The following SCRG1 variants were observed in gnomAD, a reference collection of about 807,000 sequenced individuals.
SCRG1 encodes stimulator of chondrogenesis 1.
SCRG1 carries 3 observed loss-of-function variants against 7.7 expected under a neutral mutation model. That is an observed-to-expected ratio of 0.39 (90% CI 0.18 to 1.01). The LOEUF (loss-of-function observed/expected upper bound fraction) is 1.01. Ranked by LOEUF, SCRG1 falls within the 50% of genes least tolerant of loss-of-function variation. The pLI is 0.36. For synonymous variants in SCRG1, 46 were observed against 41.2 expected (o/e 1.12, Z -0.44); for missense variants, 110 against 117.2 (o/e 0.94, Z 0.28).
At chr4:173,492,363 T>C in the SCRG1 span, among the ~76,000 whole-genome samples, 1 of 151,998 alleles carries the variant, frequency 6.6e-6, no homozygotes, top group African/African-American at 2.4e-5. Flanking sequence ...TGGTTGGGGA[T>C]TGTTGACGAC....
At chr4:173,514,935 C>T in the SCRG1 span, among the ~76,000 whole-genome samples, 92 of 152,260 alleles carry the variant, frequency 6.0e-4, no homozygotes, top group Non-Finnish European at 9.6e-4. Context: ...TATCCTTTTG[C>T]GGCAATAAAC....
chr4:173,508,686 T>G, the SCRG1 span, among the ~76,000 whole-genome samples: 1 of 152,038 alleles, frequency 6.6e-6, no homozygotes, highest in Non-Finnish European at 1.5e-5. The surrounding 1 kb of genome is among the most constrained non-coding windows in gnomAD (Gnocchi z 4.4). Flanking sequence ...AGGGGAGAAT[T>G]ACATTTCCCC....
the SCRG1 span, among the ~76,000 whole-genome samples, chr4:173,484,414 AAT>A: frequency 1.6e-5 from 1 of 62,910 alleles, no homozygotes; most frequent in East Asian, 4.8e-4. Context: ...ATATACATAT[AAT>A]ATATATTATA....
At chr4:173,466,212 A>G in the SCRG1 span, among the ~76,000 whole-genome samples, 1 of 152,194 alleles carries the variant, frequency 6.6e-6, no homozygotes, top group Non-Finnish European at 1.5e-5. Context: ...GTCCTAAGCA[A>G]TGCACTCAAA....
the SCRG1 span, among the ~76,000 whole-genome samples, chr4:173,439,005 G>A: frequency 5.3e-5 from 8 of 151,854 alleles, no homozygotes; most frequent in African/African-American, 7.3e-5. Context: ...TGGAATGTGT[G>A]CAGATGTGAT....
chr4:173,515,029 T>G, the SCRG1 span, among the ~76,000 whole-genome samples: 1 of 152,162 alleles, frequency 6.6e-6, no homozygotes, highest in East Asian at 1.9e-4. The surrounding 1 kb of genome is among the most constrained non-coding windows in gnomAD (Gnocchi z 4.6). Flanking sequence ...GGGCACTCAT[T>G]TATGTTGGAA....
the SCRG1 span, chr4:173,419,918 T>A: frequency 7.3e-6 from 6 of 819,976 alleles, no homozygotes; most frequent in Non-Finnish European, 1.3e-5. Flanking sequence ...CTTCACACCA[T>A]ATTTTGTGCA....
the SCRG1 span, among the ~76,000 whole-genome samples, chr4:173,505,298 G>A: frequency 6.6e-6 from 1 of 152,128 alleles, no homozygotes; most frequent in East Asian, 1.9e-4. The surrounding 1 kb of genome is among the most constrained non-coding windows in gnomAD (Gnocchi z 4.4). Flanking sequence ...TATCCTCAAT[G>A]CCCACCTGGA....
At chr4:173,491,665 A>G in the SCRG1 span, among the ~76,000 whole-genome samples, 1 of 152,182 alleles carries the variant, frequency 6.6e-6, no homozygotes, top group South Asian at 2.1e-4. Context: ...AATGACTGTA[A>G]TGTTGCAGAG....
At chr4:173,417,151 G>A in the SCRG1 span, among the ~76,000 whole-genome samples, 2 of 150,298 alleles carry the variant, frequency 1.3e-5, no homozygotes, top group African/African-American at 4.9e-5. Context: ...CAGACAGACA[G>A]ACACACACAC....
chr4:173,410,791 A>C (rs561905203), upstream of SCRG1, among the ~76,000 whole-genome samples: 1 of 152,216 alleles, frequency 6.6e-6, no homozygotes, highest in African/African-American at 2.4e-5. Flanking sequence ...AAAACTATAT[A>C]TCTCAAGAGA....
chr4:173,492,004 G>A, the SCRG1 span, among the ~76,000 whole-genome samples: 2,215 of 151,954 alleles, frequency 0.015, 41 homozygotes, highest in African/African-American at 0.042. Flanking sequence ...GGCTGCATGT[G>A]CCTGTAGTCC....
At chr4:173,471,901 G>A in the SCRG1 span, among the ~76,000 whole-genome samples, 2 of 152,178 alleles carry the variant, frequency 1.3e-5, no homozygotes, top group Non-Finnish European at 2.9e-5. Context: ...TAGAGATAGA[G>A]TTTCTCCATG....
chr4:173,435,598 T>C, the SCRG1 span, among the ~76,000 whole-genome samples: 1 of 152,156 alleles, frequency 6.6e-6, no homozygotes, highest in Non-Finnish European at 1.5e-5. Context: ...CAGGGGCTTG[T>C]CAGGTGAATG....
chr4:173,476,367 T>A, the SCRG1 span, among the ~76,000 whole-genome samples: 62 of 92,230 alleles, frequency 6.7e-4, 1 homozygote, highest in Non-Finnish European at 8.8e-4. Context: ...AAAAAAAATA[T>A]ATATATATAT....
chr4:173,456,265 C>A, the SCRG1 span, among the ~76,000 whole-genome samples: 2 of 152,170 alleles, frequency 1.3e-5, no homozygotes, highest in Non-Finnish European at 2.9e-5. Context: ...ACCCCTACAA[C>A]TTTGATTGAA....
At chr4:173,453,358 C>T in the SCRG1 span, among the ~76,000 whole-genome samples, 1 of 152,212 alleles carries the variant, frequency 6.6e-6, no homozygotes, top group Non-Finnish European at 1.5e-5. Context: ...CTGTCTCCAG[C>T]AGATATAAGG....
At chr4:173,428,166 C>T in the SCRG1 span, among the ~76,000 whole-genome samples, 10 of 152,286 alleles carry the variant, frequency 6.6e-5, no homozygotes, top group Admixed American at 5.9e-4. Flanking sequence ...TTTGGGTTAA[C>T]ACTCCATTTA....
chr4:173,404,312 CTG>C (rs1437166269), exon 2 of SCRG1: 2 of 152,350 alleles, frequency 1.3e-5, no homozygotes, highest in African/African-American at 4.8e-5. Flanking sequence ...CACCTGCTCT[CTG>C]TGAGCCACAG....
Sources: gnomAD v4.1 joint callset for allele counts (sites outside exome capture counted in the v4.1 genomes callset) on GRCh38, gnomAD v4.1.1 for gene constraint, Gnocchi (gnomAD v3.1) non-coding constraint, MANE v1.5 for transcripts, NCBI Gene and HGNC (gene_info 2026-07-23, HGNC 2026-07-21) for gene names.